Variants in PRDM5 observed in about 807,000 individuals in gnomAD.
PRDM5 encodes the protein PR/SET domain 5, also known as PR domain zinc finger protein 5.
PRDM5 carries 56 observed loss-of-function variants against 81.2 expected under a neutral mutation model. The ratio of observed to expected loss-of-function variants is 0.69; its 90% CI spans 0.56 to 0.86. The LOEUF is 0.86. Ranked by LOEUF, PRDM5 falls within the 40% of genes least tolerant of loss-of-function variation. PRDM5 has a pLI of 0.00. For synonymous variants in PRDM5, 267 were observed against 256.4 expected, an observed-to-expected ratio of 1.04 and a Z score of -0.39; for missense variants, 697 against 770.1, an observed-to-expected ratio of 0.91 and a Z score of 1.12.
chr4:120,774,590 TC>T (rs1451401943), intron 13 of PRDM5, among the ~76,000 whole-genome samples: 1 of 152,170 alleles, frequency 6.6e-6, no homozygotes, highest in Admixed American at 6.6e-5. Flanking sequence ...GCATCATTTG[TC>T]CATGCAGGAA....
At chr4:120,790,918 G>A (rs1323285513) in intron 10 of PRDM5, among the ~76,000 whole-genome samples, 3 of 152,044 alleles carry the variant, frequency 2.0e-5, no homozygotes, top group African/African-American at 7.2e-5. Flanking sequence ...ACTCCAGCCT[G>A]GGTGATAGAG....
chr4:120,795,836 C>G (rs961900545), intron 10 of PRDM5, among the ~76,000 whole-genome samples: 4 of 152,128 alleles, frequency 2.6e-5, no homozygotes, highest in Non-Finnish European at 5.9e-5. Context: ...TCACTTGAAC[C>G]TGGGAGGCAG....
intron 2 of PRDM5, among the ~76,000 whole-genome samples, chr4:120,882,396 C>T (rs1258555962): frequency 6.6e-6 from 1 of 152,184 alleles, no homozygotes; most frequent in African/African-American, 2.4e-5. Flanking sequence ...GATGCACATG[C>T]CTCGGCCTCC....
intron 13 of PRDM5, among the ~76,000 whole-genome samples, chr4:120,764,597 T>C (rs1412135147): frequency 1.3e-5 from 2 of 150,174 alleles, no homozygotes; most frequent in African/African-American, 4.9e-5. Context: ...AAAAAAACAG[T>C]GGAAGAAAGG....
intron 13 of PRDM5, among the ~76,000 whole-genome samples, chr4:120,775,595 T>A (rs11945238): frequency 6.6e-6 from 1 of 152,258 alleles, no homozygotes; most frequent in South Asian, 2.1e-4. Flanking sequence ...TTACATCATG[T>A]CTTGGGGCAT....
intron 15 of PRDM5, among the ~76,000 whole-genome samples, chr4:120,701,481 A>G (rs1028309801): frequency 2.6e-5 from 4 of 152,220 alleles, no homozygotes; most frequent in Admixed American, 6.5e-5. Context: ...CATATACACC[A>G]TGGAATACTA....
intron 3 of PRDM5, among the ~76,000 whole-genome samples, chr4:120,825,947 C>G (rs1166866645): frequency 2.6e-5 from 4 of 152,080 alleles, no homozygotes; most frequent in African/African-American, 9.7e-5. Flanking sequence ...CTGAGAGAGT[C>G]CTGGGCAAAC....
chr4:120,772,640 T>C (rs1451429494), intron 13 of PRDM5, among the ~76,000 whole-genome samples: 1 of 152,222 alleles, frequency 6.6e-6, no homozygotes, highest in African/African-American at 2.4e-5. Context: ...GAATGGCCTC[T>C]GTCAGCCGGG....
At chr4:120,778,487 G>A (rs757738456) in intron 12 of PRDM5, among the ~76,000 whole-genome samples, 5 of 152,028 alleles carry the variant, frequency 3.3e-5, no homozygotes, top group African/African-American at 4.8e-5. Flanking sequence ...ATATTAACTT[G>A]TTAACATTAA....
chr4:120,702,900 T>C (rs1409310390), intron 15 of PRDM5, among the ~76,000 whole-genome samples: 1 of 152,158 alleles, frequency 6.6e-6, no homozygotes, highest in Non-Finnish European at 1.5e-5. Flanking sequence ...AGATTCACAA[T>C]ACATTTCCTA....
At chr4:120,744,644 T>C (rs1293773748) in intron 14 of PRDM5, among the ~76,000 whole-genome samples, 1 of 152,056 alleles carries the variant, frequency 6.6e-6, no homozygotes, top group Non-Finnish European at 1.5e-5. Context: ...CAGAGAATAC[T>C]ACAAACACCT....
Position 120,823,455 on chromosome 4 carries a change from C to T in PRDM5, c.301-2110G>A, listed in dbSNP as rs145559302. 3.0e-4 allele frequency among the ~76,000 whole-genome samples: 45 copies of T among 152,242 alleles called. No individual in the cohort carries two copies. The East Asian group carries it at 5.6e-3, about 19-fold the overall frequency. ...AAGAGGAATATAGTTACAGGTATTA[C>T]TTCAATCTATTTATTTAATGGGAAT... is the stretch of plus-strand genomic sequence containing the variant. On this transcript the variant is annotated intron_variant, in intron 3 of 15. Transcript: ENST00000264808.
At position 120,821,258 on chromosome 4, in the gene PRDM5, C is replaced by A; in HGVS notation, c.388G>T (p.Ala130Ser). Residue 130 changes from alanine (A) to serine (S), a missense_variant, in exon 4 of 16, where the codon GCT (alanine) becomes TCT (serine). Around this residue, in one of 3 missense-constraint regions of PRDM5, gnomAD observed 577 missense variants for 606.7 expected, o/e 0.95. Coordinates refer to ENST00000264808, the MANE Select transcript of PRDM5 (RefSeq NM_018699.4). The part of the protein sequence containing the change: ...LIGYLDSDME[A>S]EEEEQQIMTV... ...ATAATTTGCTGTTCTTCCTCCTCAG[C>A]CTCCATGTCACTATCCAGGTAGCCA... 1 of 1,613,940 alleles carries A rather than the reference C, an allele frequency of 6.2e-7. No homozygotes were observed. Among genetic ancestry groups the A allele is most frequent in the Non-Finnish European group, 8.5e-7 (1 of 1,179,868 alleles).
intron 15 of PRDM5, among the ~76,000 whole-genome samples, chr4:120,706,089 T>A (rs1172082868): frequency 6.6e-6 from 1 of 151,956 alleles, no homozygotes; most frequent in African/African-American, 2.4e-5. Flanking sequence ...CTAGATCTTT[T>A]TTTTTTTTTT....
At chr4:120,769,621 CCTT>C (rs1561161096) in intron 13 of PRDM5, among the ~76,000 whole-genome samples, 2 of 152,128 alleles carry the variant, frequency 1.3e-5, no homozygotes, top group African/African-American at 4.8e-5. Context: ...ATTGTTTAAA[CCTT>C]CTTTTCTAAG....
chr4:120,743,265 A>T (rs1742384031), intron 14 of PRDM5, among the ~76,000 whole-genome samples: 1 of 151,574 alleles, frequency 6.6e-6, no homozygotes, highest in African/African-American at 2.4e-5. Context: ...GCCCTAAAAG[A>T]GCTCCTGAAG....
chr4:120,716,038 C>T (rs1737688080), intron 14 of PRDM5, among the ~76,000 whole-genome samples: 6 of 152,070 alleles, frequency 3.9e-5, no homozygotes, highest in African/African-American at 1.2e-4. Context: ...TCTGGTGAGG[C>T]ATGAGGGCTT....
chr4:120,818,207 T>C, intron 5 of PRDM5, 146 bp downstream of exon 5: 1 of 764,508 alleles, frequency 1.3e-6, no homozygotes, highest in Non-Finnish European at 2.2e-6. Flanking sequence ...AATACCAATG[T>C]AAAATGCTTA....
intron 10 of PRDM5, among the ~76,000 whole-genome samples, chr4:120,792,158 T>C (rs1032786931): frequency 5.9e-5 from 9 of 152,316 alleles, no homozygotes; most frequent in African/African-American, 2.2e-4. Context: ...AAGATAAAAA[T>C]TGTGTTTTCC....
Sources: allele counts gnomAD v4.1 joint callset (sites outside exome capture counted in the v4.1 genomes callset), GRCh38; gene constraint gnomAD v4.1.1; regional missense constraint gnomAD v4.1.1; transcripts MANE v1.5; gene names NCBI Gene and HGNC (gene_info 2026-07-23, HGNC 2026-07-21).